Variants in HID1 observed in about 807,000 individuals in gnomAD.
HID1 encodes the protein HID1 domain containing.
In HID1, 42 loss-of-function variants were observed where a neutral mutation model predicts 89.7. The observed-to-expected ratio is 0.47, with a 90% CI of 0.37 to 0.61. The LOEUF is 0.61. HID1 is among the 20% of genes least tolerant of loss of function. The pLI, the probability that HID1 is intolerant of heterozygous loss-of-function variation, is 0.00. For missense variants in HID1, 854 were observed against 1,039.3 expected (o/e 0.82, Z 2.45); for synonymous variants, 442 against 433.8 (o/e 1.02, Z -0.24).
At chr17:74,961,361 G>C (rs546595077) in intron 6 of HID1, among the ~76,000 whole-genome samples, 1 of 151,764 alleles carries the variant, frequency 6.6e-6, no homozygotes. Context: ...TCCGCCTCCC[G>C]GGTTCAAGCG....
At chr17:74,952,679 G>A (rs1035072631) in intron 16 of HID1, among the ~76,000 whole-genome samples, 22 of 152,224 alleles carry the variant, frequency 1.4e-4, no homozygotes, top group African/African-American at 2.7e-4. Flanking sequence ...GACACAGGGC[G>A]TGGGGATGAG....
chr17:74,964,478 C>T lies in HID1; in HGVS notation c.216+5G>A, dbSNP rs562678499. 134 of 1,608,238 alleles carry T rather than the reference C, an allele frequency of 8.3e-5. 4 individuals carry two copies. In the South Asian group the frequency reaches 1.4e-3, roughly 17 times the overall value. ...GAGTAGCAGGAGGGACTGGGCAGCC[C>T]TCACCTTGTAGCACAGGGTGGCCAA... is the stretch of plus-strand genomic sequence containing the variant. On this transcript the variant is annotated splice_donor_5th_base_variant and intron_variant, in intron 2 of 18. Coordinates refer to ENST00000425042, the MANE Select transcript of HID1 (RefSeq NM_030630.3).
chr17:74,961,911 G>A lies in HID1; in HGVS notation c.690C>T (p.Thr230=). 6.2e-7 allele frequency: 1 copy of A among 1,602,040 alleles called. No homozygotes were observed. The highest frequency in any genetic ancestry group is 8.5e-7 in the Non-Finnish European group (1 of 1,174,386). ...AACAAAAGAACTGAACCCATGGGTT[G>A]GTGCTGCCACTTTCCGGAGCTGGGG... ...YLPPAPESGS[T]NPWVQFFCST... The change falls in exon 6 of 19, where the codon ACC becomes ACT. Residue 230 remains threonine (T), a synonymous_variant. Transcript: ENST00000425042.
In HID1 at chr17:74,972,497, C is replaced by T. The variant is rs2039664602; in HGVS notation, c.66+94G>A. 5 of 1,194,550 alleles carry T rather than the reference C, an allele frequency of 4.2e-6. No individual in the cohort carries two copies. The highest frequency in any genetic ancestry group is 3.5e-6 in the Non-Finnish European group (3 of 855,832). The allele number at this position is 1,194,550 out of a possible 1,614,324, so 74.0% of individuals were successfully genotyped here. On this transcript the variant is annotated intron_variant, in intron 1 of 18. Transcript: ENST00000425042. The surrounding 1 kb of genome is among the most constrained non-coding windows in gnomAD (Gnocchi z 6.4). ...GTTACGCTCGGGGCCCGCCCGTCCC[C>T]CCATCTCCCGACGAGCCAAGTTCGC...
chr17:74,968,346 C>T (rs1437525908), intron 1 of HID1, among the ~76,000 whole-genome samples: 1 of 152,144 alleles, frequency 6.6e-6, no homozygotes, highest in Non-Finnish European at 1.5e-5. Flanking sequence ...TGCGCTCAGT[C>T]CTGGGGACCC....
chr17:74,955,736 TAG>T, intron 13 of HID1, 54 bp downstream of exon 13: 1 of 1,555,520 alleles, frequency 6.4e-7, no homozygotes, highest in Non-Finnish European at 8.8e-7. Flanking sequence ...CCCCCTTATG[TAG>T]GAAGTAGGCC....
chr17:74,963,253 T>A, intron 3 of HID1, 172 bp from the exon 4 acceptor site: 1 of 564,248 alleles, frequency 1.8e-6, no homozygotes, highest in Middle Eastern at 4.3e-4. Flanking sequence ...AAGGCAGAAG[T>A]GGGGCACAGC....
At chr17:74,955,344 A>G (rs553825136) in intron 13 of HID1, among the ~76,000 whole-genome samples, 1 of 152,234 alleles carries the variant, frequency 6.6e-6, no homozygotes, top group African/African-American at 2.4e-5. Flanking sequence ...TATTAAAAAT[A>G]CAAAAAATTA....
At position 74,972,175 on chromosome 17, in the gene HID1, G is replaced by A. The variant is rs1352222192; in HGVS notation, c.66+416C>T. On this transcript the variant is annotated intron_variant, in intron 1 of 18. Coordinates refer to ENST00000425042, the MANE Select transcript of HID1 (RefSeq NM_030630.3). This position sits in a 1 kb window ranked among gnomAD's most constrained non-coding sequence, Gnocchi z 6.4. ...GCTTTGTTTGCATTGAGTCAACAGG[G>A]ACTGTGCGTCCGGGACCCGCGGGCA... Among the ~76,000 whole-genome samples, 2 of 151,212 alleles carry A rather than the reference G, an allele frequency of 1.3e-5. No individual in the cohort carries two copies. Among genetic ancestry groups the A allele is most frequent in the Non-Finnish European group, 3.0e-5 (2 of 67,736 alleles).
rs2039429470 is a variant in HID1 at position 74,958,519 on chromosome 17, G to A, written c.1241-41C>T. ...TGGGAGGGGTCACTCGGGTGGGAGG[G>A]GGAAGGAGGGGCCCAGGCAGTGACC... On this transcript the variant is annotated intron_variant, in intron 10 of 18. Transcript: ENST00000425042. This position sits in a 1 kb window ranked among gnomAD's most constrained non-coding sequence, Gnocchi z 5.2. The A allele has an allele frequency of 1.3e-6, 2 of 1,572,496 alleles. No homozygotes were observed. The highest frequency in any genetic ancestry group is 2.7e-5 in the African/African-American group (2 of 74,104).
At chr17:74,954,065 G>A (rs1406187251) in intron 14 of HID1, 73 bp downstream of exon 14, 1 of 1,377,896 alleles carries the variant, frequency 7.3e-7, no homozygotes, top group Admixed American at 2.0e-5. Context: ...AGATGGGGGT[G>A]ACACCCCGAG....
chr17:74,967,195 C>A (rs552555373), intron 1 of HID1, among the ~76,000 whole-genome samples: 5 of 151,858 alleles, frequency 3.3e-5, no homozygotes, highest in Non-Finnish European at 5.9e-5. Context: ...CAAGATCGTG[C>A]CACTACACTC....
chr17:74,966,283 CAAAAAAAAA>C (rs34312915), intron 1 of HID1, among the ~76,000 whole-genome samples: 25 of 70,952 alleles, frequency 3.5e-4, no homozygotes, highest in African/African-American at 1.1e-3. Context: ...GACTCTGTCT[CAAAAAAAAA>C]AAAAAAAAAA....
intron 6 of HID1, 142 bp downstream of exon 6, chr17:74,961,731 G>A (rs1342009736): frequency 2.9e-5 from 13 of 449,226 alleles, no homozygotes; most frequent in Non-Finnish European, 4.8e-5. Context: ...GCTAGTGTGA[G>A]GTGTGGCTGG....
Position 74,953,091 on chromosome 17 carries a change from C to T in HID1, c.1972-5G>A, listed in dbSNP as rs1247395340. ...CCTCCATGCCTGGCTGGGCTCCTGG[C>T]CCCCAGAAAGGAACAGGGGTGAGGG... is the stretch of plus-strand genomic sequence containing the variant. On this transcript the variant is annotated splice_polypyrimidine_tract_variant and splice_region_variant and intron_variant, in intron 15 of 18. Transcript: ENST00000425042. 1.2e-6 allele frequency: 2 copies of T among 1,601,262 alleles called. No individual in the cohort carries two copies. Among genetic ancestry groups the T allele is most frequent in the Admixed American group, 1.7e-5 (1 of 58,452 alleles).
chr17:74,964,111 A>C, intron 2 of HID1: 1 of 611,694 alleles, frequency 1.6e-6, no homozygotes, highest in South Asian at 2.0e-5. Flanking sequence ...CACAGGCCAG[A>C]GCAGCTTGGA....
In HID1 at chr17:74,961,897, T is replaced by G; in HGVS notation, c.704A>C (p.Gln235Pro). 2 of 1,592,936 alleles carry G rather than the reference T, an allele frequency of 1.3e-6. No homozygotes were observed. The highest frequency in any genetic ancestry group is 8.5e-7 in the Non-Finnish European group (1 of 1,170,054). ...CCTGTTCTCCGTGGAACAAAAGAACTGAACCCATGGGTTGGTGCTGCCACT... is the reference window on the plus strand; with the variant it reads ...CCTGTTCTCCGTGGAACAAAAGAACGGAACCCATGGGTTGGTGCTGCCACT... The part of the protein sequence containing the change: ...PESGSTNPWV[Q>P]FFCSTENRHA... The change falls in exon 6 of 19, where the codon CAG becomes CCG. Residue 235 changes from glutamine to proline, a missense_variant. Transcript: ENST00000425042.
In HID1 at chr17:74,951,249, A is replaced by C; in HGVS notation, c.*321T>G. 1.8e-5 allele frequency: 7 copies of C among 391,032 alleles called. No homozygotes were observed. Among genetic ancestry groups the C allele is most frequent in the East Asian group, 4.7e-5 (1 of 21,210 alleles). The allele number at this position is 391,032 out of a possible 1,614,324, so 24.2% of individuals were successfully genotyped here. On this transcript the variant is annotated 3_prime_UTR_variant, in exon 19 of 19. Coordinates refer to ENST00000425042, the MANE Select transcript of HID1 (RefSeq NM_030630.3). ...TTGGCTTCTGCCTCTGGGGCTGGGT[A>C]GCACAGGAGTGGGTGGGCACTGAGG...
chr17:74,961,718 G>A (rs1253136523), intron 6 of HID1, 155 bp downstream of exon 6: 2 of 410,682 alleles, frequency 4.9e-6, no homozygotes, highest in Non-Finnish European at 8.8e-6. Context: ...AAGGAGAGAC[G>A]GGGCTAGTGT....
Sources: allele counts gnomAD v4.1 joint callset (sites outside exome capture counted in the v4.1 genomes callset), GRCh38; gene constraint gnomAD v4.1.1; non-coding constraint Gnocchi (gnomAD v3.1); transcripts MANE v1.5; gene names NCBI Gene and HGNC (gene_info 2026-07-23, HGNC 2026-07-21).